Variants in LRP6 observed in about 807,000 individuals in gnomAD.
LRP6 encodes LDL receptor related protein 6.
A neutral mutation model predicts 184.1 loss-of-function variants in LRP6; 43 were observed. The observed-to-expected ratio is 0.23, with a 90% CI of 0.18 to 0.30. The LOEUF is 0.30. Ranked by LOEUF, LRP6 falls within the 10% of genes least tolerant of loss-of-function variation. LRP6 has a pLI of 1.00. For missense variants in LRP6, 1,571 were observed against 2,005.3 expected, an observed-to-expected ratio of 0.78 and a Z score of 4.14; for synonymous variants, 719 against 684.9, an observed-to-expected ratio of 1.05 and a Z score of -0.78.
At chr12:12,123,440 AGTG>A (rs1353309130) in intron 22 of LRP6, among the ~76,000 whole-genome samples, 1 of 152,350 alleles carries the variant, frequency 6.6e-6, no homozygotes, top group Non-Finnish European at 1.5e-5. Context: ...AGATACTTTA[AGTG>A]GTTTCCACTT....
At position 12,158,521 on chromosome 12, in the gene LRP6, C is replaced by T. The variant is rs144103734; in HGVS notation, c.2791+308G>A. ...TTTATTTTTTGTAGAGGCAAGGTCT[C>T]GCTATATTGCCTAGGCTGGTCTTGA... On this transcript the variant is annotated intron_variant, in intron 12 of 22. Coordinates refer to ENST00000261349, the MANE Select transcript of LRP6 (RefSeq NM_002336.3). 4.7e-4 allele frequency among the ~76,000 whole-genome samples: 72 copies of T among 152,090 alleles called. 1 individual carries two copies. The East Asian group carries it at 0.013, about 28-fold the overall frequency.
At chr12:12,266,437 C>T (rs1451944667) in intron 1 of LRP6, among the ~76,000 whole-genome samples, 1 of 152,176 alleles carries the variant, frequency 6.6e-6, no homozygotes, top group African/African-American at 2.4e-5. Context: ...AGACCAGCAG[C>T]CGGGATCGAA....
chr12:12,117,855 C>A lies in LRP6; in HGVS notation c.*3271G>T, dbSNP rs1276298451. The A allele has an allele frequency of 6.6e-6, 1 of 152,106 alleles. No individual in the cohort carries two copies. Among genetic ancestry groups the A allele is most frequent in the African/African-American group, 2.4e-5 (1 of 41,424 alleles). The allele number at this position is 152,106 out of a possible 1,614,324, so 9.4% of individuals were successfully genotyped here. A position where few individuals can be genotyped will look rare whatever the true frequency, so the allele number is the denominator to read the frequency against. ...GAGTTTCCTTCATATAAATTACTGA[C>A]TTTAGGATATTTTTAAATGATAAAG... On this transcript the variant is annotated 3_prime_UTR_variant, in exon 23 of 23. Coordinates refer to ENST00000261349, the MANE Select transcript of LRP6 (RefSeq NM_002336.3).
In LRP6 at chr12:12,142,365, T is replaced by A. The variant is rs144327226; in HGVS notation, c.3398-3831A>T. Reference sequence around the variant, plus strand: ...GCCCCCAGATATGGTAAGGACCTGATCTACTTTGATGCTGGTGAAAAATAA... The same window carrying A: ...GCCCCCAGATATGGTAAGGACCTGAACTACTTTGATGCTGGTGAAAAATAA... On this transcript the variant is annotated intron_variant, in intron 15 of 22. Coordinates refer to ENST00000261349, the MANE Select transcript of LRP6 (RefSeq NM_002336.3). Among the ~76,000 whole-genome samples, 1,078 of 152,248 alleles carry A rather than the reference T, an allele frequency of 7.1e-3. 12 individuals are homozygous for A. Among genetic ancestry groups the A allele is most frequent in the Non-Finnish European group, 8.6e-3 (587 of 67,998 alleles).
At chr12:12,212,391 A>G (rs17302049) in intron 2 of LRP6, among the ~76,000 whole-genome samples, 18,471 of 152,258 alleles carry the variant, frequency 0.12, 1,425 homozygotes, top group Admixed American at 0.22. Context: ...TTGAATGCAC[A>G]AAAGCATGAA....
In LRP6 at chr12:12,138,350, T is replaced by C. The variant is rs1949876310; in HGVS notation, c.3582A>G (p.Val1194=). ...RIAQLSDIHA[V]KELNLQEYRQ... is the part of the protein sequence containing the mutation. ...TGTATTCTTGAAGGTTCAGCTCCTT[T>C]ACTGCATGAATGTCACTAAGCTGGG... is the stretch of plus-strand genomic sequence containing the variant. Residue 1194 remains valine, a synonymous_variant, in exon 16 of 23, where the codon GTA becomes GTG. Coordinates refer to ENST00000261349, the MANE Select transcript of LRP6 (RefSeq NM_002336.3). 1 of 1,614,188 alleles carries C rather than the reference T, an allele frequency of 6.2e-7. No homozygotes were observed. Among genetic ancestry groups the C allele is most frequent in the South Asian group, 1.1e-5 (1 of 91,092 alleles).
chr12:12,203,172 T>C, intron 3 of LRP6, 31 bp downstream of exon 3: 1 of 1,533,084 alleles, frequency 6.5e-7, no homozygotes, highest in Non-Finnish European at 8.8e-7. Context: ...CGAGTTTTCT[T>C]AAAAGTTTTT....
In LRP6 at chr12:12,116,979, C is replaced by T. The variant is rs1591852547; in HGVS notation, c.*4147G>A. ...ATTTAAATTTTAAAAAAATTATAAA[C>T]GTATAATTTTATACTTGAGGTCCAA... On this transcript the variant is annotated 3_prime_UTR_variant, in exon 23 of 23. Coordinates refer to ENST00000261349, the MANE Select transcript of LRP6 (RefSeq NM_002336.3). The T allele has an allele frequency of 6.6e-6, 1 of 151,922 alleles. No individual in the cohort carries two copies. The allele number at this position is 151,922 out of a possible 1,614,324, so 9.4% of individuals were successfully genotyped here.
chr12:12,148,198 G>A (rs940789496), intron 14 of LRP6, among the ~76,000 whole-genome samples: 1 of 151,786 alleles, frequency 6.6e-6, no homozygotes. Flanking sequence ...TAGATTAACA[G>A]AATAGTGTTA....
chr12:12,228,625 C>T (rs1864693773), intron 2 of LRP6, among the ~76,000 whole-genome samples: 1 of 152,198 alleles, frequency 6.6e-6, no homozygotes, highest in South Asian at 2.1e-4. Context: ...TGAGCTCTGC[C>T]TCCTGTCACA....
chr12:12,185,832 G>GTA (rs1354759215), intron 4 of LRP6, among the ~76,000 whole-genome samples: 1 of 140,966 alleles, frequency 7.1e-6, no homozygotes, highest in Non-Finnish European at 1.5e-5. Context: ...GTTTTTGTGT[G>GTA]TGTGTGTGTT....
chr12:12,219,912 G>A (rs548228535), intron 2 of LRP6, among the ~76,000 whole-genome samples: 12 of 152,270 alleles, frequency 7.9e-5, no homozygotes, highest in Middle Eastern at 3.4e-3. Flanking sequence ...AGGAAGCAGC[G>A]ACAGAAGCAA....
chr12:12,204,301 AGGG>A (rs769254470), intron 2 of LRP6, among the ~76,000 whole-genome samples: 139 of 135,718 alleles, frequency 1.0e-3, no homozygotes, highest in Non-Finnish European at 1.9e-3. Flanking sequence ...AAAAAAAAGG[AGGG>A]GGGGGTCAGG....
chr12:12,164,932 AAAAAAAAAAAAAAAAAAAAAAAAG>A, intron 8 of LRP6, 123 bp downstream of exon 8: 1 of 243,442 alleles, frequency 4.1e-6, no homozygotes, highest in South Asian at 5.9e-5. Context: ...AAAAAAAAAA[AAAAAAAAAAAAAAAAAAAAAAAAG>A]GCGGGGGGGC....
At chr12:12,256,341 C>T (rs1225327846) in intron 1 of LRP6, among the ~76,000 whole-genome samples, 6 of 150,910 alleles carry the variant, frequency 4.0e-5, no homozygotes, top group South Asian at 2.1e-4. Context: ...GGTGTATCAC[C>T]GAGCCCAGGA....
At chr12:12,191,639 T>A (rs1457368047) in intron 3 of LRP6, among the ~76,000 whole-genome samples, 3 of 151,856 alleles carry the variant, frequency 2.0e-5, no homozygotes, top group African/African-American at 7.3e-5. Flanking sequence ...ATAGAACAAA[T>A]TAAACTGATA....
chr12:12,266,780 G>A lies in LRP6; in HGVS notation c.-45C>T, dbSNP rs771800233. 4.3e-5 allele frequency: 67 copies of A among 1,549,946 alleles called. No homozygotes were observed. The highest frequency in any genetic ancestry group is 5.1e-5 in the Non-Finnish European group (58 of 1,131,816). On this transcript the variant is annotated 5_prime_UTR_variant, in exon 1 of 23. Coordinates refer to ENST00000261349, the MANE Select transcript of LRP6 (RefSeq NM_002336.3). ...TTCTCTCACCGGCGAGGGGTGGCCA[G>A]AAGTGGGGGAGGCGAGGAGCCGGGG...
intron 4 of LRP6, among the ~76,000 whole-genome samples, chr12:12,184,925 A>G (rs1014610681): frequency 6.6e-6 from 1 of 152,230 alleles, no homozygotes; most frequent in African/African-American, 2.4e-5. Context: ...CATGAAAGAT[A>G]AAAGTAACCA....
intron 2 of LRP6, among the ~76,000 whole-genome samples, chr12:12,220,300 A>C (rs904325804): frequency 6.6e-6 from 1 of 152,064 alleles, no homozygotes; most frequent in Non-Finnish European, 1.5e-5. Flanking sequence ...AAAAAAAAAA[A>C]AAATTCTTCC....
Sources: allele counts gnomAD v4.1 joint callset (sites outside exome capture counted in the v4.1 genomes callset), GRCh38; gene constraint gnomAD v4.1.1; transcripts MANE v1.5; gene names NCBI Gene and HGNC (gene_info 2026-07-23, HGNC 2026-07-21).